The following PDE12 variants were observed in gnomAD, a reference collection of about 807,000 sequenced individuals.
PDE12 encodes 2',5'-phosphodiesterase 12.
Under a neutral mutation model 45.4 loss-of-function variants are expected in PDE12, and 26 were observed. The ratio of observed to expected loss-of-function variants is 0.57; its 90% CI spans 0.42 to 0.79. The LOEUF (loss-of-function observed/expected upper bound fraction) is 0.79. PDE12 is among the 30% of genes least tolerant of loss of function. The pLI is 0.00. For missense variants in PDE12, 668 were observed against 790.0 expected, an observed-to-expected ratio of 0.85 and a Z score of 1.85; for synonymous variants, 283 against 323.9, an observed-to-expected ratio of 0.87 and a Z score of 1.36.
the PDE12 span, among the ~76,000 whole-genome samples, chr3:57,614,544 GT>G: frequency 0.23 from 27,440 of 120,450 alleles, 3,261 homozygotes; most frequent in African/African-American, 0.43. Flanking sequence ...TTTGTTTTTT[GT>G]TTTTTTTTTT....
chr3:57,575,759 T>A, the PDE12 span: 1 of 1,357,306 alleles, frequency 7.4e-7, no homozygotes, highest in Non-Finnish European at 9.9e-7. Context: ...TACTCAGCAT[T>A]AAATACATTA....
At chr3:57,615,056 G>T in the PDE12 span, among the ~76,000 whole-genome samples, 1 of 150,454 alleles carries the variant, frequency 6.6e-6, no homozygotes, top group South Asian at 2.1e-4. Context: ...GGGACCACAG[G>T]CACCCGCCAC....
the PDE12 span, chr3:57,575,590 T>C: frequency 6.2e-7 from 1 of 1,613,582 alleles, no homozygotes; most frequent in Non-Finnish European, 8.5e-7. Flanking sequence ...TATCTGTCAT[T>C]TCACTGATGG....
the PDE12 span, among the ~76,000 whole-genome samples, chr3:57,584,910 C>T: frequency 3.9e-5 from 6 of 152,230 alleles, no homozygotes; most frequent in South Asian, 2.1e-4. Flanking sequence ...GTTGTCCAGG[C>T]GGGAGTGAAG....
chr3:57,646,378 C>T, the PDE12 span: 2 of 1,614,102 alleles, frequency 1.2e-6, no homozygotes, highest in Non-Finnish European at 1.7e-6. Flanking sequence ...CCACAAGGGG[C>T]TCCCCCAACA....
At chr3:57,633,283 T>C in the PDE12 span, 1 of 1,613,418 alleles carries the variant, frequency 6.2e-7, no homozygotes. Flanking sequence ...TGATGAAACT[T>C]TGTGTCAGTT....
At chr3:57,631,496 G>A in the PDE12 span, among the ~76,000 whole-genome samples, 10 of 151,276 alleles carry the variant, frequency 6.6e-5, no homozygotes, top group South Asian at 4.2e-4. Flanking sequence ...GCCCAACAAC[G>A]CGGTCCATTT....
At chr3:57,647,994 G>A in the PDE12 span, among the ~76,000 whole-genome samples, 1 of 152,004 alleles carries the variant, frequency 6.6e-6, no homozygotes, top group Non-Finnish European at 1.5e-5. Flanking sequence ...GGACAAAGTT[G>A]CAGCAGAGTC....
chr3:57,578,891 G>GA, the PDE12 span, among the ~76,000 whole-genome samples: 1 of 95,990 alleles, frequency 1.0e-5, no homozygotes, highest in South Asian at 4.2e-4. Flanking sequence ...AGCTAGAAAA[G>GA]GGGGGGGGCA....
the PDE12 span, among the ~76,000 whole-genome samples, chr3:57,591,735 G>A: frequency 5.0e-4 from 76 of 152,198 alleles, 1 homozygote; most frequent in African/African-American, 1.7e-3. Flanking sequence ...AAAGTGCTGG[G>A]ATTACAGGCG....
chr3:57,557,931 G>A (rs183419719), intron 1 of PDE12, among the ~76,000 whole-genome samples: 79 of 152,308 alleles, frequency 5.2e-4, no homozygotes, highest in Middle Eastern at 3.4e-3. Context: ...CTTTTACAGT[G>A]CTTACAATCT....
rs2069730461 is a variant in PDE12 at position 57,561,676 on chromosome 3, A to C, written c.*1672A>C. On this transcript the variant is annotated 3_prime_UTR_variant, in exon 3 of 3. Coordinates refer to ENST00000311180, the MANE Select transcript of PDE12 (RefSeq NM_177966.7). ...ATTAAAAGCCCACTCCCTTCAAGAA[A>C]AGCTTTGATTTTCCCCAGTCATGAA... 1.0e-6 allele frequency: 1 copy of C among 984,858 alleles called. No individual in the cohort carries two copies. Among genetic ancestry groups the C allele is most frequent in the African/African-American group, 1.7e-5 (1 of 57,204 alleles). The allele number at this position is 984,858 out of a possible 1,614,324, so 61.0% of individuals were successfully genotyped here.
chr3:57,654,495 A>G, the PDE12 span: 1 of 411,358 alleles, frequency 2.4e-6, no homozygotes, highest in Middle Eastern at 1.3e-3. Flanking sequence ...AATAGGGAAC[A>G]GGGGAGAGAA....
the PDE12 span, chr3:57,596,985 G>T: frequency 7.1e-7 from 1 of 1,414,934 alleles, no homozygotes; most frequent in East Asian, 2.4e-5. Flanking sequence ...ACCACAGCGG[G>T]CGGAGGAAAA....
chr3:57,616,451 AGAGTAG>A, the PDE12 span, among the ~76,000 whole-genome samples: 1 of 151,048 alleles, frequency 6.6e-6, no homozygotes, highest in African/African-American at 2.4e-5. Context: ...AGGAAGATGA[AGAGTAG>A]GAGGAGGAGA....
chr3:57,597,346 G>A, the PDE12 span: 1 of 500,420 alleles, frequency 2.0e-6, no homozygotes, highest in Non-Finnish European at 3.6e-6. Context: ...TAGGCGACTG[G>A]CGCGGCAGCT....
At chr3:57,618,615 T>TTTTTTG in the PDE12 span, among the ~76,000 whole-genome samples, 1 of 124,848 alleles carries the variant, frequency 8.0e-6, no homozygotes, top group Non-Finnish European at 1.8e-5. Context: ...GTGTTTTTTT[T>TTTTTTG]TTTTTTTTTT....
At chr3:57,618,607 G>GTTTTTTTTTTTT in the PDE12 span, among the ~76,000 whole-genome samples, 48 of 79,404 alleles carry the variant, frequency 6.0e-4, 2 homozygotes, top group East Asian at 1.1e-3. Flanking sequence ...TTGCTTTTGT[G>GTTTTTTTTTTTT]TTTTTTTTTT....
chr3:57,570,224 T>TTTTG (rs1194142796), downstream of PDE12, among the ~76,000 whole-genome samples: 5 of 140,884 alleles, frequency 3.5e-5, no homozygotes, highest in Non-Finnish European at 6.1e-5. Flanking sequence ...CCAGTGTTTT[T>TTTTG]TTTTTTTTTT....
Sources: allele counts gnomAD v4.1 joint callset (sites outside exome capture counted in the v4.1 genomes callset), GRCh38; gene constraint gnomAD v4.1.1; transcripts MANE v1.5; gene names NCBI Gene and HGNC (gene_info 2026-07-23, HGNC 2026-07-21).